The following PBK variants were observed in gnomAD, a reference collection of about 807,000 sequenced individuals.
PBK encodes the protein lymphokine-activated killer T-cell-originated protein kinase.
In PBK, 22 loss-of-function variants were observed where a neutral mutation model predicts 33.5. The observed-to-expected ratio is 0.66, with a 90% CI of 0.47 to 0.94. The LOEUF is 0.94. Ranked by LOEUF, PBK falls within the 40% of genes least tolerant of loss-of-function variation. The probability of loss-of-function intolerance (pLI) is 0.00; values close to 1 mark genes in which losing one functional copy is unlikely to be tolerated. For missense variants in PBK, 376 were observed against 383.4 expected (o/e 0.98, Z 0.16); for synonymous variants, 129 against 123.8 (o/e 1.04, Z -0.28).
At chr8:27,830,527 T>C (rs1478541351) in intron 2 of PBK, among the ~76,000 whole-genome samples, 1 of 152,166 alleles carries the variant, frequency 6.6e-6, no homozygotes, top group East Asian at 1.9e-4. Flanking sequence ...GACAATTACA[T>C]TGAGTATAAA....
intron 1 of PBK, among the ~76,000 whole-genome samples, chr8:27,834,756 T>G (rs1806196040): frequency 6.6e-6 from 1 of 151,852 alleles, no homozygotes; most frequent in African/African-American, 2.4e-5. Flanking sequence ...ATTAGCCAGG[T>G]GTGGTGGCGT....
chr8:27,810,004 GTCAT>G lies in PBK; in HGVS notation c.*297_*300del, dbSNP rs1805638390. On this transcript the variant is annotated 3_prime_UTR_variant, in exon 8 of 8. Coordinates refer to ENST00000301905, the MANE Select transcript of PBK (RefSeq NM_018492.4). The stretch of plus-strand genomic sequence containing the variant: ...AGAAAGATCATTAATAAAAGTAATG[GTCAT>G]TCAATTTAATGTTACAGTTTACAGC... The G allele has an allele frequency of 3.3e-6, 1 of 302,070 alleles. No homozygotes were observed. Among genetic ancestry groups the G allele is most frequent in the Non-Finnish European group, 6.1e-6 (1 of 164,308 alleles). 18.7% of individuals were successfully genotyped at this position (302,070 alleles called of 1,614,324 possible).
chr8:27,824,228 GA>G (rs1362555110), intron 3 of PBK, among the ~76,000 whole-genome samples: 2 of 152,042 alleles, frequency 1.3e-5, no homozygotes, highest in African/African-American at 4.8e-5. Flanking sequence ...ATTTTATTAT[GA>G]AAAATATATT....
intron 6 of PBK, among the ~76,000 whole-genome samples, chr8:27,818,922 G>GT (rs1401731904): frequency 6.6e-6 from 1 of 151,980 alleles, no homozygotes; most frequent in African/African-American, 2.4e-5. Context: ...AAACAGCTGT[G>GT]TTTTTTTCTA....
At chr8:27,827,959 T>A (rs185879997) in intron 3 of PBK, 146 bp downstream of exon 3, 171 of 481,990 alleles carry the variant, frequency 3.5e-4, no homozygotes, top group Non-Finnish European at 3.5e-4. Context: ...TACAAAAGGG[T>A]CTAGGGACCG....
intron 5 of PBK, among the ~76,000 whole-genome samples, chr8:27,821,540 G>A (rs1007141834): frequency 3.9e-5 from 6 of 152,120 alleles, no homozygotes; most frequent in East Asian, 1.9e-4. Flanking sequence ...GATTACAGGC[G>A]TGAGCCACCA....
intron 1 of PBK, among the ~76,000 whole-genome samples, chr8:27,836,895 C>CT (rs35500914): frequency 5.3e-5 from 8 of 152,290 alleles, no homozygotes; most frequent in South Asian, 4.1e-4. Context: ...CTGAGGGCCA[C>CT]TTTTTTCCAG....
intron 6 of PBK, among the ~76,000 whole-genome samples, chr8:27,820,115 G>A (rs1486616783): frequency 6.6e-6 from 1 of 152,124 alleles, no homozygotes; most frequent in Non-Finnish European, 1.5e-5. Context: ...GAGAAGCTAT[G>A]CAATAGAGAA....
chr8:27,833,015 C>T (rs1806157450), intron 2 of PBK, 41 bp downstream of exon 2: 2 of 1,176,250 alleles, frequency 1.7e-6, no homozygotes, highest in Non-Finnish European at 2.5e-6. Flanking sequence ...CTAAGAGAAA[C>T]AACAATAGTA....
intron 1 of PBK, among the ~76,000 whole-genome samples, chr8:27,833,996 CCAGA>C (rs1806180591): frequency 6.6e-6 from 1 of 150,382 alleles, no homozygotes; most frequent in African/African-American, 2.4e-5. Context: ...ATGAAAGAAG[CCAGA>C]CACATAAAGG....
intron 2 of PBK, among the ~76,000 whole-genome samples, chr8:27,832,195 T>C (rs778574787): frequency 6.6e-5 from 10 of 152,094 alleles, no homozygotes; most frequent in Admixed American, 2.0e-4. Flanking sequence ...ATTTACCACA[T>C]TGAGAGATTT....
intron 3 of PBK, 148 bp from the exon 4 acceptor site, chr8:27,823,353 T>C: frequency 1.8e-6 from 1 of 564,586 alleles, no homozygotes; most frequent in South Asian, 2.3e-5. Context: ...ACACCTCTGC[T>C]ACATTTCCAT....
At position 27,829,516 on chromosome 8, in the gene PBK, A is replaced by C. The variant is rs145586946; in HGVS notation, c.59-1318T>G. On this transcript the variant is annotated intron_variant, in intron 2 of 7. Transcript: ENST00000301905. Reference sequence around the variant, plus strand: ...AGACAATGCAAAATATCTACTGCCCAATCAAAAAGTACCAGGCATGAAAGC... The same window carrying C: ...AGACAATGCAAAATATCTACTGCCCCATCAAAAAGTACCAGGCATGAAAGC... 8.0e-3 allele frequency among the ~76,000 whole-genome samples: 1,213 copies of C among 152,360 alleles called. 15 individuals are homozygous for C. Among genetic ancestry groups the C allele is most frequent in the African/African-American group, 0.028 (1,148 of 41,592 alleles).
intron 3 of PBK, among the ~76,000 whole-genome samples, chr8:27,827,356 GGC>G (rs1457914422): frequency 6.6e-6 from 1 of 152,156 alleles, no homozygotes; most frequent in Non-Finnish European, 1.5e-5. Context: ...AGACCAGCCT[GGC>G]CAACATGGCA....
chr8:27,817,273 A>C (rs945701504), intron 6 of PBK, among the ~76,000 whole-genome samples: 2 of 152,104 alleles, frequency 1.3e-5, no homozygotes, highest in African/African-American at 2.4e-5. Context: ...CTTCAGCATA[A>C]ACCCAGGGTT....
At chr8:27,819,945 C>T (rs1397297368) in intron 6 of PBK, among the ~76,000 whole-genome samples, 1 of 152,112 alleles carries the variant, frequency 6.6e-6, no homozygotes, top group African/African-American at 2.4e-5. Context: ...GAAATTCAGG[C>T]ATTTATATGT....
In PBK at chr8:27,832,211, G is replaced by C. The variant is rs75178136; in HGVS notation, c.58+845C>G. 4.8e-3 allele frequency among the ~76,000 whole-genome samples: 731 copies of C among 152,088 alleles called. 7 individuals carry two copies. Among genetic ancestry groups the C allele is most frequent in the African/African-American group, 0.017 (697 of 41,510 alleles). ...TTTACCACATTGAGAGATTTTAAAA[G>C]AAAATTTAATAGATTCAGAAAAAGC... On this transcript the variant is annotated intron_variant, in intron 2 of 7. Coordinates refer to ENST00000301905, the MANE Select transcript of PBK (RefSeq NM_018492.4).
Position 27,810,277 on chromosome 8 carries a change from G to T in PBK, c.*28C>A. On this transcript the variant is annotated 3_prime_UTR_variant, in exon 8 of 8. Coordinates refer to ENST00000301905, the MANE Select transcript of PBK (RefSeq NM_018492.4). Reference sequence around the variant, plus strand: ...TATTTTGGAATAAACAGTTATTTACGCAAGCCACACTTCAGCTGAGATGAT... The same window carrying T: ...TATTTTGGAATAAACAGTTATTTACTCAAGCCACACTTCAGCTGAGATGAT... The T allele has an allele frequency of 6.7e-7, 1 of 1,485,696 alleles. No homozygotes were observed. Among genetic ancestry groups the T allele is most frequent in the Non-Finnish European group, 9.3e-7 (1 of 1,069,760 alleles). The allele number at this position is 1,485,696 out of a possible 1,614,324, so 92.0% of individuals were successfully genotyped here. A position where few individuals can be genotyped will look rare whatever the true frequency, so the allele number is the denominator to read the frequency against.
intron 1 of PBK, among the ~76,000 whole-genome samples, chr8:27,836,205 A>G (rs1420551749): frequency 6.6e-6 from 1 of 152,132 alleles, no homozygotes; most frequent in African/African-American, 2.4e-5. Flanking sequence ...TTCCAGAGAG[A>G]GGACAAGAAA....
Sources: allele counts gnomAD v4.1 joint callset (sites outside exome capture counted in the v4.1 genomes callset), GRCh38; gene constraint gnomAD v4.1.1; transcripts MANE v1.5; gene names NCBI Gene and HGNC (gene_info 2026-07-23, HGNC 2026-07-21).